ITGA1: variants seen among roughly 807,000 people sequenced by gnomAD.
ITGA1 encodes integrin subunit alpha 1, also known as integrin alpha-1.
ITGA1 carries 85 observed loss-of-function variants against 145.9 expected under a neutral mutation model. That is an observed-to-expected ratio of 0.58 (90% confidence interval 0.49 to 0.70). The LOEUF (loss-of-function observed/expected upper bound fraction) is 0.70, where lower values mean the gene tolerates loss of function less well. ITGA1 is among the 30% of genes least tolerant of loss of function. The pLI is 0.00. For synonymous variants in ITGA1, 520 were observed against 495.3 expected (o/e 1.05, Z -0.66); for missense variants, 1,351 against 1,418.7 (o/e 0.95, Z 0.77).
rs146050422 is a variant in ITGA1 at position 52,872,359 on chromosome 5, T to A, written c.624+6542T>A. ...AATCTTCTCTCTCACTAGCCTCTAG[T>A]CTCCATTCTCCCACCCCTCCAGCCA... On this transcript the variant is annotated intron_variant, in intron 6 of 28. Transcript: ENST00000282588. 3.3e-5 allele frequency among the ~76,000 whole-genome samples: 5 copies of A among 152,146 alleles called. No homozygotes were observed. The East Asian group carries it at 9.7e-4, about 29-fold the overall frequency.
intron 3 of ITGA1, among the ~76,000 whole-genome samples, chr5:52,862,238 A>G (rs1158421350): frequency 6.6e-6 from 1 of 151,850 alleles, no homozygotes; most frequent in African/African-American, 2.4e-5. Context: ...AAAAAAAAGA[A>G]AAGAAAAAAA....
intron 1 of ITGA1, among the ~76,000 whole-genome samples, chr5:52,833,871 G>A (rs1749114512): frequency 6.6e-6 from 1 of 152,120 alleles, no homozygotes; most frequent in Non-Finnish European, 1.5e-5. Flanking sequence ...AAAAAGAAAA[G>A]CAGTTGGCTG....
At chr5:52,936,749 T>TAAG (rs747285585) in intron 23 of ITGA1, among the ~76,000 whole-genome samples, 4 of 152,192 alleles carry the variant, frequency 2.6e-5, no homozygotes, top group Non-Finnish European at 5.9e-5. Context: ...AACATGATAC[T>TAAG]AAGTGGAAAC....
Position 52,937,420 on chromosome 5 carries a change from T to C in ITGA1, c.2984T>C (p.Phe995Ser). 6.2e-7 allele frequency: 1 copy of C among 1,612,220 alleles called. No homozygotes were observed. The highest frequency in any genetic ancestry group is 2.2e-5 in the East Asian group (1 of 44,828). The change falls in exon 24 of 29, where the codon TTT becomes TCT. Residue 995 changes from phenylalanine to serine, a missense_variant. Transcript: ENST00000282588. ...TTGTAGATTAGAAAAAGTGGATCTT[T>C]TCCAATGCCAGAGCTTAAGCTGTCA... The part of the protein sequence containing the change: ...IFYLIRKSGS[F>S]PMPELKLSIS...
chr5:52,939,122 C>T (rs2452862), intron 24 of ITGA1, among the ~76,000 whole-genome samples: 16,169 of 152,036 alleles, frequency 0.11, 2,178 homozygotes, highest in African/African-American at 0.31. Flanking sequence ...AGGCTGGTCT[C>T]GAACTCCTGA....
chr5:52,950,362 C>A (rs1171411320), intron 28 of ITGA1, among the ~76,000 whole-genome samples: 1 of 152,194 alleles, frequency 6.6e-6, no homozygotes, highest in East Asian at 1.9e-4. Context: ...GGACTGGTGT[C>A]TCACCACTTT....
At chr5:52,808,287 ATGAC>A (rs1382018478) in intron 1 of ITGA1, among the ~76,000 whole-genome samples, 1 of 152,218 alleles carries the variant, frequency 6.6e-6, no homozygotes, top group Non-Finnish European at 1.5e-5. Flanking sequence ...CATACCTAGA[ATGAC>A]TGTTCCAGAT....
chr5:52,887,744 G>T, intron 7 of ITGA1, 71 bp from the exon 8 acceptor site: 1 of 1,447,732 alleles, frequency 6.9e-7, no homozygotes, highest in Non-Finnish European at 9.3e-7. Context: ...CAGTGTTTTT[G>T]TTTAGTTTTT....
chr5:52,810,824 C>T (rs1196101352), intron 1 of ITGA1, among the ~76,000 whole-genome samples: 1 of 152,060 alleles, frequency 6.6e-6, no homozygotes, highest in Non-Finnish European at 1.5e-5. Flanking sequence ...ATCTCTGATC[C>T]TGTACTTTCC....
At chr5:52,843,516 A>G (rs777823638) in intron 1 of ITGA1, among the ~76,000 whole-genome samples, 1 of 152,188 alleles carries the variant, frequency 6.6e-6, no homozygotes, top group Non-Finnish European at 1.5e-5. Flanking sequence ...GCCAACAACT[A>G]AACAGGCTAC....
intron 20 of ITGA1, among the ~76,000 whole-genome samples, chr5:52,928,646 A>G (rs998887960): frequency 1.1e-4 from 16 of 152,152 alleles, no homozygotes; most frequent in African/African-American, 2.9e-4. Context: ...TTCTTTTTCT[A>G]TGGAACAAAT....
At chr5:52,796,162 GA>G (rs1748337888) in intron 1 of ITGA1, among the ~76,000 whole-genome samples, 1 of 151,940 alleles carries the variant, frequency 6.6e-6, no homozygotes. Context: ...TTGGGTTCCA[GA>G]GAGACTGAGT....
intron 15 of ITGA1, among the ~76,000 whole-genome samples, chr5:52,917,426 G>C (rs766903108): frequency 1.3e-5 from 2 of 152,156 alleles, no homozygotes; most frequent in Non-Finnish European, 1.5e-5. Context: ...TCACAGCACT[G>C]TATGTAATAC....
chr5:52,924,873 G>A (rs946883826), intron 18 of ITGA1, among the ~76,000 whole-genome samples: 5 of 152,138 alleles, frequency 3.3e-5, no homozygotes, highest in Admixed American at 6.5e-5. Context: ...TGGCTTGACC[G>A]TTTTCCACCC....
intron 1 of ITGA1, among the ~76,000 whole-genome samples, chr5:52,812,393 A>G (rs1311956320): frequency 6.6e-6 from 1 of 152,224 alleles, no homozygotes; most frequent in Non-Finnish European, 1.5e-5. Flanking sequence ...TTGGGGTGCA[A>G]GGATTGTGTA....
intron 3 of ITGA1, among the ~76,000 whole-genome samples, chr5:52,861,933 T>C (rs1199757059): frequency 6.6e-6 from 1 of 151,030 alleles, no homozygotes; most frequent in African/African-American, 2.4e-5. Flanking sequence ...AAAACAGATT[T>C]TGGGCTGGGC....
chr5:52,851,860 T>C (rs1006007937), intron 2 of ITGA1, among the ~76,000 whole-genome samples: 6 of 152,232 alleles, frequency 3.9e-5, no homozygotes, highest in Non-Finnish European at 7.3e-5. Context: ...ATTTATGTAA[T>C]ACATTTTATG....
chr5:52,809,189 A>G (rs1327561480), intron 1 of ITGA1, among the ~76,000 whole-genome samples: 1 of 152,166 alleles, frequency 6.6e-6, no homozygotes, highest in Non-Finnish European at 1.5e-5. Flanking sequence ...AAAATCATGT[A>G]CTAAGTACCT....
chr5:52,860,868 T>C, intron 2 of ITGA1, among the ~76,000 whole-genome samples: 1 of 152,232 alleles, frequency 6.6e-6, no homozygotes, highest in East Asian at 1.9e-4. Context: ...AGTAAGTGAT[T>C]TTAACCTGGA....
Sources: allele counts gnomAD v4.1 joint callset (sites outside exome capture counted in the v4.1 genomes callset), GRCh38; gene constraint gnomAD v4.1.1; transcripts MANE v1.5; gene names NCBI Gene and HGNC (gene_info 2026-07-23, HGNC 2026-07-21).